P2RX4: variants seen among roughly 807,000 people sequenced by gnomAD.
P2RX4 encodes the protein purinergic receptor P2X 4.
In P2RX4, 37 loss-of-function variants were observed where a neutral mutation model predicts 48.0. The ratio of observed to expected loss-of-function variants is 0.77; its 90% CI spans 0.59 to 1.01. P2RX4 has a LOEUF of 1.01. Among genes scored for constraint, P2RX4 ranks in the 50% least tolerant of loss-of-function variants. The pLI is 0.00. For synonymous variants in P2RX4, 200 were observed against 199.7 expected (o/e 1.00, Z -0.01); for missense variants, 501 against 521.4 (o/e 0.96, Z 0.38).
In P2RX4 at chr12:121,232,262, G is replaced by A. The variant is rs1004737469; in HGVS notation, c.885-152G>A. 2.9e-5 allele frequency: 18 copies of A among 628,760 alleles called. No homozygotes were observed. Among genetic ancestry groups the A allele is most frequent in the South Asian group, 2.1e-4 (11 of 53,560 alleles). The allele number at this position is 628,760 out of a possible 1,614,324, so 38.9% of individuals were successfully genotyped here. A position where few individuals can be genotyped will look rare whatever the true frequency, so the allele number is the denominator to read the frequency against. ...CCGCATCCTCCTGCTTGCACAGCCC[G>A]CCTCAGCCAGGAGAGGCCCCGAGCC... On this transcript the variant is annotated intron_variant, in intron 8 of 11. Coordinates refer to ENST00000337233, the MANE Select transcript of P2RX4 (RefSeq NM_002560.3). This position sits in a 1 kb window ranked among gnomAD's most constrained non-coding sequence, Gnocchi z 4.3.
chr12:121,234,026 G>T lies in P2RX4; in HGVS notation c.*477G>T. ...CCCCCCGACCATTCCCTGCAGCCAT[G>T]CGGCAGAGCTGGCATTTCTCCTCAG... On this transcript the variant is annotated 3_prime_UTR_variant, in exon 12 of 12. Coordinates refer to ENST00000337233, the MANE Select transcript of P2RX4 (RefSeq NM_002560.3). 5.1e-6 allele frequency: 1 copy of T among 194,204 alleles called. No homozygotes were observed. Among genetic ancestry groups the T allele is most frequent in the Non-Finnish European group, 1.1e-5 (1 of 91,734 alleles). The allele number at this position is 194,204 out of a possible 1,614,324, so 12.0% of individuals were successfully genotyped here.
chr12:121,230,984 T>TATATA lies in P2RX4; in HGVS notation c.885-1430_885-1429insATATA, dbSNP rs61460996. ...ATATATAGCCATTATATATATATATTTTTTTTTTTTTCTTCTTTTTTAAGG... is the reference window on the plus strand; with the variant it reads ...ATATATAGCCATTATATATATATATTATATATTTTTTTTTTTCTTCTTTTTTAAGG... On this transcript the variant is annotated intron_variant, in intron 8 of 11. Coordinates refer to ENST00000337233, the MANE Select transcript of P2RX4 (RefSeq NM_002560.3). 3.7e-3 allele frequency among the ~76,000 whole-genome samples: 294 copies of TATATA among 78,490 alleles called. 2 individuals carry two copies. Among genetic ancestry groups the TATATA allele is most frequent in the South Asian group, 0.022 (62 of 2,844 alleles). The allele number at this position is 78,490 out of a possible 152,430, so 51.5% of individuals were successfully genotyped here. A position where few individuals can be genotyped will look rare whatever the true frequency, so the allele number is the denominator to read the frequency against.
chr12:121,231,482 G>A (rs1369872620), intron 8 of P2RX4, among the ~76,000 whole-genome samples: 1 of 152,092 alleles, frequency 6.6e-6, no homozygotes, highest in African/African-American at 2.4e-5. Flanking sequence ...TGGCAACAGT[G>A]GTCTACTTTC....
At chr12:121,212,807 TATATATATATATA>T (rs1565997415) in intron 1 of P2RX4, 11 of 34,212 alleles carry the variant, frequency 3.2e-4, no homozygotes, top group Non-Finnish European at 5.0e-4. Context: ...TATATATATA[TATATATATATATA>T]TATATTTTTT....
chr12:121,226,380 C>A (rs1276610325), intron 5 of P2RX4, among the ~76,000 whole-genome samples: 1 of 151,700 alleles, frequency 6.6e-6, no homozygotes. Flanking sequence ...CCCCTCTCTA[C>A]TAAAAATATA....
At chr12:121,222,211 C>T (rs567049085) in intron 4 of P2RX4, 45 bp downstream of exon 4, 15 of 1,299,774 alleles carry the variant, frequency 1.2e-5, no homozygotes, top group East Asian at 2.3e-5. Flanking sequence ...CTGAGCAGAT[C>T]GCCCCCACTG....
At chr12:121,212,815 TATATATATA>T (rs1358986988) in intron 1 of P2RX4, 34 of 40,282 alleles carry the variant, frequency 8.4e-4, no homozygotes, top group African/African-American at 2.7e-3. Context: ...TATATATATA[TATATATATA>T]TTTTTTTTTT....
intron 4 of P2RX4, chr12:121,222,469 A>C (rs3794211): frequency 0.13 from 61,213 of 469,018 alleles, 4,893 homozygotes; most frequent in Admixed American, 0.24. Flanking sequence ...CTGGAGTGCA[A>C]TGGCATGATC....
chr12:121,231,065 G>T (rs540717827), intron 8 of P2RX4, among the ~76,000 whole-genome samples: 207 of 150,802 alleles, frequency 1.4e-3, no homozygotes, highest in African/African-American at 4.9e-3. Context: ...TCAGCTCACT[G>T]CAGCCTTTGC....
chr12:121,225,294 G>A (rs561543042), intron 5 of P2RX4, among the ~76,000 whole-genome samples: 251 of 151,970 alleles, frequency 1.7e-3, no homozygotes, highest in Non-Finnish European at 2.8e-3. Context: ...GGCTGGTCTC[G>A]AACTCCTGAC....
Position 121,219,792 on chromosome 12 carries a change from C to T in P2RX4, c.283-2121C>T, listed in dbSNP as rs191006896. Among the ~76,000 whole-genome samples, 37 of 150,658 alleles carry T rather than the reference C, an allele frequency of 2.5e-4. No individual in the cohort carries two copies. In the East Asian group the frequency reaches 6.4e-3, roughly 26 times the overall value. ...ATAGATTAGATAGGTGATAGATAATCGATAAATAGAAAACAGATGATAGAT... is the reference window on the plus strand; with the variant it reads ...ATAGATTAGATAGGTGATAGATAATTGATAAATAGAAAACAGATGATAGAT... On this transcript the variant is annotated intron_variant, in intron 2 of 11. Coordinates refer to ENST00000337233, the MANE Select transcript of P2RX4 (RefSeq NM_002560.3).
At position 121,229,152 on chromosome 12, in the gene P2RX4, C is replaced by A; in HGVS notation, c.884+53C>A. 1 of 1,606,200 alleles carries A rather than the reference C, an allele frequency of 6.2e-7. No individual in the cohort carries two copies. Among genetic ancestry groups the A allele is most frequent in the East Asian group, 2.2e-5 (1 of 44,812 alleles). On this transcript the variant is annotated intron_variant, in intron 8 of 11. Transcript: ENST00000337233. This position sits in a 1 kb window ranked among gnomAD's most constrained non-coding sequence, Gnocchi z 4.6. ...ATGTTGTAGGGGGTGCTGGTGGCTG[C>A]GTACGTGCCAGTGGGCCGCCCACTG...
At chr12:121,221,198 T>TGTGTGTGTG (rs1566003252) in intron 2 of P2RX4, among the ~76,000 whole-genome samples, 170 of 84,342 alleles carry the variant, frequency 2.0e-3, no homozygotes, top group African/African-American at 8.4e-3. Context: ...GTGTGTGTGT[T>TGTGTGTGTG]TTTAGTACAA....
rs200511764 is a variant in P2RX4, at chr12:121,229,122, C to T, written c.884+23C>T. The T allele has an allele frequency of 8.9e-5, 144 of 1,613,822 alleles. No homozygotes were observed. In the African/African-American group the frequency reaches 1.4e-3, roughly 15 times the overall value. On this transcript the variant is annotated intron_variant, in intron 8 of 11. Transcript: ENST00000337233. This position sits in a 1 kb window ranked among gnomAD's most constrained non-coding sequence, Gnocchi z 4.6. ...CAGGTGGGCGTGAGCTTGGGCCCCT[C>T]GCTCATGTTGTAGGGGGTGCTGGTG...
intron 5 of P2RX4, among the ~76,000 whole-genome samples, chr12:121,223,687 TACAC>T (rs1368881514): frequency 6.6e-6 from 1 of 152,194 alleles, no homozygotes; most frequent in Non-Finnish European, 1.5e-5. Flanking sequence ...CACAAACACA[TACAC>T]ACATACACAT....
chr12:121,210,595 C>T lies in P2RX4; in HGVS notation c.134+297C>T, dbSNP rs373024213. On this transcript the variant is annotated intron_variant, in intron 1 of 11. Coordinates refer to ENST00000337233, the MANE Select transcript of P2RX4 (RefSeq NM_002560.3). Reference sequence around the variant, plus strand: ...AGGAGTTCGAAACCAATTTGGGCAACATCGTGGGACCCCGTCTCTGCAAAA... The same window carrying T: ...AGGAGTTCGAAACCAATTTGGGCAATATCGTGGGACCCCGTCTCTGCAAAA... Among the ~76,000 whole-genome samples, 4 of 152,298 alleles carry T rather than the reference C, an allele frequency of 2.6e-5. No homozygotes were observed. In the South Asian group the frequency reaches 8.3e-4, roughly 32 times the overall value.
rs1386651018 is a variant in P2RX4, at chr12:121,217,780, A to AGT, written c.282+499_282+500insGT. On this transcript the variant is annotated intron_variant, in intron 2 of 11. Coordinates refer to ENST00000337233, the MANE Select transcript of P2RX4 (RefSeq NM_002560.3). ...ATCTCTATAAAAAAAAAAAAAAAGA[A>AGT]AAAAAAAGAAAAGAATTAGAGACCA... Among the ~76,000 whole-genome samples the AGT allele has an allele frequency of 3.5e-3, 522 of 150,076 alleles. 2 individuals carry two copies. Among genetic ancestry groups the AGT allele is most frequent in the Non-Finnish European group, 6.2e-3 (416 of 67,512 alleles).
At chr12:121,225,225 A>G (rs1886906574) in intron 5 of P2RX4, among the ~76,000 whole-genome samples, 1 of 151,690 alleles carries the variant, frequency 6.6e-6, no homozygotes, top group Admixed American at 6.6e-5. Context: ...GGCACCCCCC[A>G]CCACACCTTG....
intron 5 of P2RX4, among the ~76,000 whole-genome samples, chr12:121,226,866 A>G (rs907827896): frequency 6.6e-6 from 1 of 151,996 alleles, no homozygotes; most frequent in Non-Finnish European, 1.5e-5. Context: ...TAATCCCAGC[A>G]CTTTGGGAGA....
Sources: allele counts gnomAD v4.1 joint callset (sites outside exome capture counted in the v4.1 genomes callset), GRCh38; gene constraint gnomAD v4.1.1; non-coding constraint Gnocchi (gnomAD v3.1); transcripts MANE v1.5; gene names NCBI Gene and HGNC (gene_info 2026-07-23, HGNC 2026-07-21).